NAV1: variants seen among roughly 807,000 people sequenced by gnomAD.
The protein encoded by NAV1 is neuron navigator 1, also known as pore membrane and/or filament interacting like protein 3.
A neutral mutation model predicts 175.2 loss-of-function variants in NAV1; 18 were observed. The observed-to-expected ratio is 0.10, with a 90% CI of 0.07 to 0.15. The LOEUF is 0.15. Among genes scored for constraint, NAV1 ranks in the 10% least tolerant of loss-of-function variants. NAV1 has a pLI of 1.00. For synonymous variants in NAV1, 897 were observed against 978.7 expected, an observed-to-expected ratio of 0.92 and a Z score of 1.56; for missense variants, 1,731 against 2,436.6, an observed-to-expected ratio of 0.71 and a Z score of 6.10.
chr1:201,702,511 C>A (rs1227595913), intron 1 of NAV1, among the ~76,000 whole-genome samples: 1 of 152,116 alleles, frequency 6.6e-6, no homozygotes, highest in Non-Finnish European at 1.5e-5. Flanking sequence ...GCTGGGGTTA[C>A]AGGAGTGCAC....
chr1:201,786,726 A>T (rs1676775993), intron 9 of NAV1, 149 bp downstream of exon 13: 17 of 793,056 alleles, frequency 2.1e-5, no homozygotes, highest in Middle Eastern at 3.8e-4. Context: ...ATCCACCCAA[A>T]GTAAGATTGA....
chr1:201,781,051 G>A, exon 5 of NAV1: 1 of 1,613,994 alleles, frequency 6.2e-7, no homozygotes. Context: ...GGCAGAAAGT[G>A]GGCTGAGCTG....
rs530244429 is a variant in NAV1 at position 201,817,018 on chromosome 1, CAA to C, written c.5341-67_5341-66del. On this transcript the variant is annotated intron_variant, in intron 28 of 29. Transcript: ENST00000367296. ...GGAGCCTATTTTTTGTAGGAACTAC[CAA>C]AAGACTGCATGAACAAGCCTCTAAT... 3,603 of 1,455,064 alleles carry C rather than the reference CAA, an allele frequency of 2.5e-3. 10 individuals are homozygous for C. The highest frequency in any genetic ancestry group is 3.1e-3 in the Non-Finnish European group (3,229 of 1,054,378). 90.1% of individuals were successfully genotyped at this position (1,455,064 alleles called of 1,614,324 possible). A position where few individuals can be genotyped will look rare whatever the true frequency, so the allele number is the denominator to read the frequency against.
At chr1:201,784,438 A>G (rs999751935) in intron 7 of NAV1, among the ~76,000 whole-genome samples, 26 of 152,048 alleles carry the variant, frequency 1.7e-4, no homozygotes, top group African/African-American at 4.1e-4. Context: ...GATTACAGGC[A>G]TGAGCCACCA....
intron 3 of NAV1, among the ~76,000 whole-genome samples, chr1:201,763,777 C>A (rs1214880099): frequency 6.6e-6 from 1 of 152,216 alleles, no homozygotes; most frequent in Non-Finnish European, 1.5e-5. Flanking sequence ...TACTACCCTG[C>A]AATTACCCTT....
intron 3 of NAV1, among the ~76,000 whole-genome samples, chr1:201,766,361 C>T (rs1286939583): frequency 1.3e-5 from 2 of 152,256 alleles, no homozygotes; most frequent in African/African-American, 2.4e-5. Context: ...TACTCCCCCT[C>T]GCTCTTGGAG....
chr1:201,549,956 A>G (rs1028204913), intron 1 of NAV1, among the ~76,000 whole-genome samples: 1 of 139,240 alleles, frequency 7.2e-6, no homozygotes, highest in African/African-American at 2.7e-5. Context: ...GCTTACAGTG[A>G]GCCAAGATCT....
chr1:201,577,877 C>A (rs1354054852), intron 1 of NAV1, among the ~76,000 whole-genome samples: 3 of 152,082 alleles, frequency 2.0e-5, no homozygotes, highest in African/African-American at 4.8e-5. Context: ...TCATTTGAAC[C>A]CTTTCCACCT....
chr1:201,691,600 T>G (rs958831459), intron 1 of NAV1, among the ~76,000 whole-genome samples: 6 of 152,220 alleles, frequency 3.9e-5, no homozygotes, highest in African/African-American at 1.4e-4. Flanking sequence ...AGAGGTGGAA[T>G]GAACAGGTGT....
In NAV1 at chr1:201,611,322, T is replaced by G. The variant is rs957934081; in HGVS notation, c.-32-11531T>G. ...GGAAGGAGGATGGGCTCAAATCCTT[T>G]TACTATGCGCTCCCCACCACGACAT... On this transcript the variant is annotated intron_variant, in intron 2 of 33. Transcript: ENST00000685211. Among the ~76,000 whole-genome samples, 3 of 152,174 alleles carry G rather than the reference T, an allele frequency of 2.0e-5. No individual in the cohort carries two copies. In the South Asian group the frequency reaches 6.2e-4, roughly 32 times the overall value.
intron 1 of NAV1, among the ~76,000 whole-genome samples, chr1:201,688,908 A>C (rs771964920): frequency 9.9e-5 from 15 of 152,240 alleles, no homozygotes; most frequent in Non-Finnish European, 1.8e-4. Flanking sequence ...GCTGGGACCT[A>C]GGTTACTAGA....
chr1:201,783,849 A>G, exon 7 of NAV1: 1 of 1,606,372 alleles, frequency 6.2e-7, no homozygotes, highest in Non-Finnish European at 8.5e-7. Context: ...GGGCAACTGG[A>G]CAGGTAGGTA....
At chr1:201,821,505 GACACACACACACACACACAC>G (rs57007517) in exon 30 of NAV1, 41,668 of 144,620 alleles carry the variant, frequency 0.29, 6,096 homozygotes, top group Non-Finnish European at 0.33. Flanking sequence ...GGTTAAAACA[GACACACACACACACACACAC>G]ACACACACAC....
At chr1:201,714,746 A>T (rs1437476165) in intron 2 of NAV1, among the ~76,000 whole-genome samples, 1 of 152,190 alleles carries the variant, frequency 6.6e-6, no homozygotes, top group Non-Finnish European at 1.5e-5. Flanking sequence ...CACCAGCCTC[A>T]TGCCAAAGAC....
intron 15 of NAV1, chr1:201,794,843 G>A: frequency 2.4e-6 from 1 of 415,208 alleles, no homozygotes; most frequent in Non-Finnish European, 4.3e-6. Context: ...CGGCCAAAGA[G>A]CCATCAAAGA....
Position 201,718,478 on chromosome 1 carries a change from C to T in NAV1, c.949C>T (p.Arg317Cys), listed in dbSNP as rs761197335. Residue 317 changes from arginine (R) to cysteine (C), a missense_variant, in exon 3 of 30, where the codon CGC becomes TGC. By Grantham distance (180) the Arg-to-Cys change is radical. Coordinates refer to ENST00000367296, the Ensembl canonical transcript of NAV1. This position sits in a 1 kb window ranked among gnomAD's most constrained non-coding sequence, Gnocchi z 4.8. ...CAACCGCTCGTCCCCTCTGTCATGG[C>T]GCTATGGCCAGTCCAGTCCGCGGCT... 10 of 1,594,458 alleles carry T rather than the reference C, an allele frequency of 6.3e-6. No individual in the cohort carries two copies. The highest frequency in any genetic ancestry group is 1.7e-5 in the Admixed American group (1 of 59,310).
rs961044905 is a variant in NAV1 at position 201,759,471 on chromosome 1, C to T, written c.1227-20950C>T. 7.2e-5 allele frequency among the ~76,000 whole-genome samples: 11 copies of T among 152,310 alleles called. No homozygotes were observed. In the East Asian group the frequency reaches 1.9e-3, roughly 27 times the overall value. ...AGAGGTCGTGAGTGTTCATTAATAT[C>T]GTTTGGTTGCCTTCTCAGGTTCCTA... is the stretch of plus-strand genomic sequence containing the variant. On this transcript the variant is annotated intron_variant, in intron 3 of 29. Coordinates refer to ENST00000367296, the Ensembl canonical transcript of NAV1.
At position 201,737,962 on chromosome 1, in the gene NAV1, A is replaced by G. The variant is rs551368354; in HGVS notation, c.1226+19207A>G. 2.0e-5 allele frequency among the ~76,000 whole-genome samples: 3 copies of G among 152,220 alleles called. No individual in the cohort carries two copies. In the South Asian group the frequency reaches 6.2e-4, roughly 32 times the overall value. ...ACAGCTGCGTGGACAGAGCCTCCCT[A>G]GAGAACTCATTGTGCTCACCCCGTT... On this transcript the variant is annotated intron_variant, in intron 3 of 29. Coordinates refer to ENST00000367296, the Ensembl canonical transcript of NAV1.
chr1:201,653,690 T>C (rs1669293861), intron 1 of NAV1, among the ~76,000 whole-genome samples: 1 of 152,140 alleles, frequency 6.6e-6, no homozygotes, highest in African/African-American at 2.4e-5. Flanking sequence ...TGGAAACTTA[T>C]CCAGCACCCT....
Sources: allele counts gnomAD v4.1 joint callset (sites outside exome capture counted in the v4.1 genomes callset), GRCh38; gene constraint gnomAD v4.1.1; non-coding constraint Gnocchi (gnomAD v3.1); transcripts MANE v1.5; gene names NCBI Gene and HGNC (gene_info 2026-07-23, HGNC 2026-07-21).